TMC6: variants seen among roughly 807,000 people sequenced by gnomAD.
The protein encoded by TMC6 is transmembrane channel-like protein 6.
Under a neutral mutation model 95.4 loss-of-function variants are expected in TMC6, and 71 were observed. The ratio of observed to expected loss-of-function variants is 0.74; its 90% confidence interval spans 0.61 to 0.91. TMC6 has a LOEUF of 0.91. Ranked by LOEUF, TMC6 falls within the 40% of genes least tolerant of loss-of-function variation. The pLI is 0.00. For synonymous variants in TMC6, 514 were observed against 483.1 expected (o/e 1.06, Z -0.84); for missense variants, 1,074 against 1,079.1 (o/e 1.00, Z 0.07).
chr17:78,113,058 T>C lies in TMC6; in HGVS notation c.*90A>G. 6.8e-7 allele frequency: 1 copy of C among 1,473,056 alleles called. No individual in the cohort carries two copies. Among genetic ancestry groups the C allele is most frequent in the Non-Finnish European group, 9.3e-7 (1 of 1,077,778 alleles). 91.2% of individuals were successfully genotyped at this position (1,473,056 alleles called of 1,614,324 possible). On this transcript the variant is annotated 3_prime_UTR_variant, in exon 20 of 20. Transcript: ENST00000590602. ...CGGCTTTCGAGAGGCGAAACTGTCT[T>C]CCTTGTCCTGGTGTCCCAGCAGGGT...
intron 18 of TMC6, among the ~76,000 whole-genome samples, chr17:78,114,148 C>T (rs779738984): frequency 2.0e-5 from 3 of 152,190 alleles, no homozygotes; most frequent in African/African-American, 4.8e-5. Context: ...ACATTCCTCC[C>T]GGAGGCTTCG....
chr17:78,113,404 C>T (rs533659137), intron 19 of TMC6, 144 bp downstream of exon 19: 59 of 1,220,192 alleles, frequency 4.8e-5, no homozygotes, highest in East Asian at 1.8e-4. Context: ...TGAAGGTGGG[C>T]GCCGGGGGGG....
upstream of TMC6, chr17:78,131,481 C>A: frequency 6.8e-7 from 1 of 1,467,538 alleles, no homozygotes; most frequent in Non-Finnish European, 9.2e-7. Flanking sequence ...CGCCCCCAGC[C>A]CAGCGTGCAC....
upstream of TMC6, chr17:78,131,903 G>GGTGCA: frequency 6.8e-7 from 1 of 1,480,144 alleles, no homozygotes; most frequent in Non-Finnish European, 8.9e-7. Context: ...AGCCCGCGGG[G>GGTGCA]GTGCAGACCT....
At position 78,120,990 on chromosome 17, in the gene TMC6, T is replaced by C. The variant is rs749031381; in HGVS notation, c.1535+23A>G. On this transcript the variant is annotated intron_variant, in intron 12 of 19. Transcript: ENST00000590602. The stretch of plus-strand genomic sequence containing the variant: ...CAGTATCAGCTCCAGCACCAAATGA[T>C]GTTTTCATGTGCGGCCACACACCTG... 3.7e-6 allele frequency: 6 copies of C among 1,613,244 alleles called. No homozygotes were observed. In the Admixed American group the frequency reaches 5.0e-5, roughly 13 times the overall value.
intron 14 of TMC6, 90 bp downstream of exon 14, chr17:78,119,207 G>GC (rs1271712805): frequency 6.4e-7 from 1 of 1,552,480 alleles, no homozygotes; most frequent in Non-Finnish European, 8.9e-7. Flanking sequence ...CCTGGCTGTG[G>GC]CCCCAGGGGG....
intron 18 of TMC6, among the ~76,000 whole-genome samples, chr17:78,115,660 G>A (rs113925024): frequency 0.078 from 9,060 of 116,186 alleles, 185 homozygotes; most frequent in Middle Eastern, 0.098. Flanking sequence ...TGGGCACAGG[G>A]GCGAAGGGAG....
rs541698872 is a variant in TMC6, at chr17:78,123,411, A to ATGGGTGGATAGATAAGGAGG, written c.1082+558_1082+577dup. The stretch of plus-strand genomic sequence containing the variant: ...GATGGATGAACGGATGGGTGGATGA[A>ATGGGTGGATAGATAAGGAGG]TGGGTGGATAGATAAGGAGGTGGAT... On this transcript the variant is annotated intron_variant, in intron 9 of 19. Transcript: ENST00000590602. 3.3e-3 allele frequency among the ~76,000 whole-genome samples: 489 copies of ATGGGTGGATAGATAAGGAGG among 148,130 alleles called. 4 individuals carry two copies. The highest frequency in any genetic ancestry group is 5.5e-3 in the Non-Finnish European group (367 of 66,938).
At position 78,126,643 on chromosome 17, in the gene TMC6, C is replaced by A. The variant is rs764574773; in HGVS notation, c.62G>T (p.Gly21Val). The A allele has an allele frequency of 1.1e-5, 17 of 1,613,232 alleles. No individual in the cohort carries two copies. Among genetic ancestry groups the A allele is most frequent in the Non-Finnish European group, 1.4e-5 (17 of 1,179,946 alleles). The part of the protein sequence containing the change: ...VPETPGDQGQ[G>V]PSPYDESEVH... ...TTCGCTTTCATCATAGGGGCTGGGG[C>A]CCTGGCTGCAGAGGGGGTTGGCGGG... is the stretch of plus-strand genomic sequence containing the variant. The change falls in exon 3 of 20, where the codon GGC becomes GTC. Residue 21 changes from glycine to valine, a missense_variant. Coordinates refer to ENST00000590602, the MANE Select transcript of TMC6 (RefSeq NM_001127198.5).
At chr17:78,118,616 G>C (rs1667506266) in intron 15 of TMC6, among the ~76,000 whole-genome samples, 1 of 152,192 alleles carries the variant, frequency 6.6e-6, no homozygotes, top group Non-Finnish European at 1.5e-5. Context: ...CCAGTTCTCA[G>C]CCACTGGGCA....
In TMC6 at chr17:78,112,994, G is replaced by T. The variant is rs1008442042; in HGVS notation, c.*154C>A. 3.6e-6 allele frequency: 3 copies of T among 824,582 alleles called. No individual in the cohort carries two copies. Among genetic ancestry groups the T allele is most frequent in the Non-Finnish European group, 5.9e-6 (3 of 511,836 alleles). 51.1% of individuals were successfully genotyped at this position (824,582 alleles called of 1,614,324 possible). On this transcript the variant is annotated 3_prime_UTR_variant, in exon 20 of 20. Transcript: ENST00000590602. ...GAGTTCATTGGGGATGCCCAAGCCG[G>T]ATTCACCCACCCTTCCAGCTCCAGC...
Position 78,112,746 on chromosome 17 carries a change from G to A in TMC6, c.*402C>T, listed in dbSNP as rs2073857980. On this transcript the variant is annotated 3_prime_UTR_variant, in exon 20 of 20. Transcript: ENST00000590602. ...AGTTCAGGCTGGTCAAAGGCAGCAA[G>A]CGAATCAAGCCCTGGCGCGGTCCAG... The A allele has an allele frequency of 3.5e-6, 1 of 284,618 alleles. No homozygotes were observed. The highest frequency in any genetic ancestry group is 2.2e-5 in the African/African-American group (1 of 44,710). 17.6% of individuals were successfully genotyped at this position (284,618 alleles called of 1,614,324 possible).
rs1196714620 is a variant in TMC6, at chr17:78,122,061, C to A, written c.1228-350G>T. ...TGTGGATGTGGGTGGCCCCCAGTGA[C>A]CAGAAGCCCCCCTACACGGAATGGC... On this transcript the variant is annotated intron_variant, in intron 10 of 19. Transcript: ENST00000590602. This position sits in a 1 kb window ranked among gnomAD's most constrained non-coding sequence, Gnocchi z 4.9. 6.6e-6 allele frequency among the ~76,000 whole-genome samples: 1 copy of A among 152,146 alleles called. No individual in the cohort carries two copies. Among genetic ancestry groups the A allele is most frequent in the Non-Finnish European group, 1.5e-5 (1 of 68,024 alleles).
Position 78,111,235 on chromosome 17 carries a change from AAAGACTGACTAGCACACACGGTAAT to A in TMC6, c.*1888_*1912del, listed in dbSNP as rs1318783820. The A allele has an allele frequency of 4.8e-4, 73 of 152,418 alleles. No homozygotes were observed. Among genetic ancestry groups the A allele is most frequent in the African/African-American group, 1.7e-3 (72 of 41,576 alleles). The allele number at this position is 152,418 out of a possible 1,614,324, so 9.4% of individuals were successfully genotyped here. A position where few individuals can be genotyped will look rare whatever the true frequency, so the allele number is the denominator to read the frequency against. ...CCCACAGCCTGGCCTGGTTGACACG[AAAGACTGACTAGCACACACGGTAAT>A]TCTCCAGAAATATCCAGGCCAAGTT... On this transcript the variant is annotated 3_prime_UTR_variant, in exon 20 of 20. Coordinates refer to ENST00000590602, the MANE Select transcript of TMC6 (RefSeq NM_001127198.5).
Position 78,128,393 on chromosome 17 carries a change from G to T in TMC6, c.-75+219C>A, listed in dbSNP as rs1185499870. Among the ~76,000 whole-genome samples the T allele has an allele frequency of 2.6e-5, 4 of 152,026 alleles. No homozygotes were observed. The highest frequency in any genetic ancestry group is 4.4e-5 in the Non-Finnish European group (3 of 67,966). On this transcript the variant is annotated intron_variant, in intron 1 of 19. Transcript: ENST00000590602. This position sits in a 1 kb window ranked among gnomAD's most constrained non-coding sequence, Gnocchi z 4.0. ...GCTGGGGGACCTGGGTGGGGGCTGCGGATTTTGCTCCCCGCACTGTCCTCC... is the reference window on the plus strand; with the variant it reads ...GCTGGGGGACCTGGGTGGGGGCTGCTGATTTTGCTCCCCGCACTGTCCTCC...
In TMC6 at chr17:78,117,832, G is replaced by A; in HGVS notation, c.1991C>T (p.Ala664Val). Reference sequence around the variant, plus strand: ...GACGGCGTAGCAGAGGAAGACAGCGGCGCCCAGGAAGGCGGGGAAGCAGAG... The same window carrying A: ...GACGGCGTAGCAGAGGAAGACAGCGACGCCCAGGAAGGCGGGGAAGCAGAG... Reference protein sequence around the residue: ...TLLCFPAFLGAAVFLCYAVWQ... With the variant: ...TLLCFPAFLGVAVFLCYAVWQ... Residue 664 changes from alanine (A) to valine (V), a missense_variant, in exon 16 of 20, where the codon GCC becomes GTC. Coordinates refer to ENST00000590602, the MANE Select transcript of TMC6 (RefSeq NM_001127198.5). 1.9e-6 allele frequency: 3 copies of A among 1,607,906 alleles called. No homozygotes were observed. Among genetic ancestry groups the A allele is most frequent in the Non-Finnish European group, 2.5e-6 (3 of 1,177,456 alleles).
At chr17:78,132,155 C>T (rs1461042342), upstream of TMC6, 18 of 1,447,170 alleles carry the variant, frequency 1.2e-5, no homozygotes, top group South Asian at 3.7e-5. Flanking sequence ...CGGCCCCTCC[C>T]CCCTCCCACC....
At position 78,111,915 on chromosome 17, in the gene TMC6, C is replaced by G. The variant is rs1168738618; in HGVS notation, c.*1233G>C. The G allele has an allele frequency of 1.7e-5, 4 of 239,122 alleles. No homozygotes were observed. The highest frequency in any genetic ancestry group is 3.3e-5 in the Non-Finnish European group (4 of 119,768). 14.8% of individuals were successfully genotyped at this position (239,122 alleles called of 1,614,324 possible). A position where few individuals can be genotyped will look rare whatever the true frequency, so the allele number is the denominator to read the frequency against. On this transcript the variant is annotated 3_prime_UTR_variant, in exon 20 of 20. Transcript: ENST00000590602. The stretch of plus-strand genomic sequence containing the variant: ...CCGTGACGGGCTGGTCCCCACAGAC[C>G]TGGAGCACTGGGGTCATGACGGGCT...
chr17:78,125,984 G>A, intron 4 of TMC6, 100 bp from the exon 5 acceptor site: 1 of 1,493,780 alleles, frequency 6.7e-7, no homozygotes, highest in Non-Finnish European at 9.0e-7. Flanking sequence ...CCCCTTCCCA[G>A]GACCCAGGAA....
Sources: allele counts gnomAD v4.1 joint callset (sites outside exome capture counted in the v4.1 genomes callset), GRCh38; gene constraint gnomAD v4.1.1; non-coding constraint Gnocchi (gnomAD v3.1); transcripts MANE v1.5; gene names NCBI Gene and HGNC (gene_info 2026-07-23, HGNC 2026-07-21).